Variants in ICA1L observed in about 807,000 individuals in gnomAD.
ICA1L encodes islet cell autoantigen 1-like protein.
ICA1L carries 50 observed loss-of-function variants against 61.3 expected under a neutral mutation model. The observed-to-expected ratio is 0.82, with a 90% CI of 0.65 to 1.03. The LOEUF is 1.03. ICA1L is among the 50% of genes least tolerant of loss of function. The pLI is 0.00. For synonymous variants in ICA1L, 161 were observed against 191.3 expected (o/e 0.84, Z 1.31); for missense variants, 508 against 556.7 (o/e 0.91, Z 0.88).
intron 12 of ICA1L, among the ~76,000 whole-genome samples, chr2:202,784,440 AAAC>A (rs1174307315): frequency 2.0e-5 from 3 of 152,208 alleles, no homozygotes; most frequent in African/African-American, 4.8e-5. Context: ...GTCTCCAAAA[AAAC>A]AACAACAAAA....
intron 1 of ICA1L, among the ~76,000 whole-genome samples, chr2:202,852,870 A>G (rs1196694259): frequency 1.3e-5 from 2 of 150,798 alleles, no homozygotes; most frequent in Non-Finnish European, 3.0e-5. Context: ...CATATGACCA[A>G]TGGAACAGAA....
At chr2:202,806,243 A>G (rs570279606) in intron 9 of ICA1L, among the ~76,000 whole-genome samples, 17 of 152,218 alleles carry the variant, frequency 1.1e-4, no homozygotes, top group African/African-American at 3.4e-4. Flanking sequence ...TTGTCTTGCA[A>G]CTTGGATACC....
At chr2:202,836,800 T>TATATATATAGATATATAGATATATAG (rs1462443281) in intron 1 of ICA1L, among the ~76,000 whole-genome samples, 1 of 145,788 alleles carries the variant, frequency 6.9e-6, no homozygotes, top group Non-Finnish European at 1.5e-5. Context: ...TATATCTATA[T>TATATATATAGATATATAGATATATAG]ATATAGATAT....
intron 9 of ICA1L, among the ~76,000 whole-genome samples, chr2:202,800,107 TC>T (rs977149915): frequency 2.6e-5 from 4 of 152,048 alleles, no homozygotes; most frequent in African/African-American, 7.2e-5. Flanking sequence ...GGTCTCCATC[TC>T]CTGACTTGGT....
At chr2:202,818,216 G>A (rs1442968166) in intron 5 of ICA1L, among the ~76,000 whole-genome samples, 1 of 152,304 alleles carries the variant, frequency 6.6e-6, no homozygotes, top group African/African-American at 2.4e-5. Context: ...AGAAATGAGT[G>A]AAGGATGACA....
rs1389287116 is a variant in ICA1L at position 202,777,486 on chromosome 2, T to C, written c.*2047A>G. 3.3e-5 allele frequency: 5 copies of C among 152,228 alleles called. No homozygotes were observed. The highest frequency in any genetic ancestry group is 7.3e-5 in the Non-Finnish European group (5 of 68,046). The allele number at this position is 152,228 out of a possible 1,614,324, so 9.4% of individuals were successfully genotyped here. A position where few individuals can be genotyped will look rare whatever the true frequency, so the allele number is the denominator to read the frequency against. On this transcript the variant is annotated 3_prime_UTR_variant, in exon 13 of 13. Transcript: ENST00000358299. ...GCAGAACAGTGACAGTATTACATTC[T>C]GGGAAATTTCACTGAGTATAAAGGA...
At chr2:202,862,293 A>C (rs1304852197) in intron 1 of ICA1L, among the ~76,000 whole-genome samples, 12 of 133,696 alleles carry the variant, frequency 9.0e-5, no homozygotes, top group Admixed American at 2.3e-4. Flanking sequence ...AAAAAAAAAA[A>C]AAAAAAAAAA....
chr2:202,837,884 AC>A (rs1376951985), intron 1 of ICA1L, among the ~76,000 whole-genome samples: 2 of 151,200 alleles, frequency 1.3e-5, no homozygotes, highest in Non-Finnish European at 2.9e-5. Flanking sequence ...ATGGAGTTTC[AC>A]TCTTGTTGCT....
rs1329016679 is a variant in ICA1L, at chr2:202,848,493, A to ATGGCCTGC, written c.-7-19485_-7-19478dup. On this transcript the variant is annotated intron_variant, in intron 1 of 12. Coordinates refer to ENST00000358299, the MANE Select transcript of ICA1L (RefSeq NM_001288622.3). ...AGAGATCTGAGCTGACTGGCAAACT[A>ATGGCCTGC]TGGCCTGCTGGCAAATTAGTCTTTA... Among the ~76,000 whole-genome samples the ATGGCCTGC allele has an allele frequency of 1.5e-4, 23 of 152,302 alleles. 1 individual carries two copies. The highest frequency in any genetic ancestry group is 5.5e-4 in the African/African-American group (23 of 41,572).
In ICA1L at chr2:202,862,272, C is replaced by CCAAAAAAAAAAAAAAAAAAAAAA. The variant is rs1462555700; in HGVS notation, c.-8+9346_-8+9347insTTTTTTTTTTTTTTTTTTTTTTG. Among the ~76,000 whole-genome samples the CCAAAAAAAAAAAAAAAAAAAAAA allele has an allele frequency of 4.8e-5, 3 of 62,978 alleles. 1 individual carries two copies. The highest frequency in any genetic ancestry group is 6.6e-4 in the East Asian group (1 of 1,518). 41.3% of individuals were successfully genotyped at this position (62,978 alleles called of 152,430 possible). ...GCAACACAGTAAGACCTCATTTCTA[C>CCAAAAAAAAAAAAAAAAAAAAAA]AAAAAAAAAAAAAAAAAAAAAAAAA... On this transcript the variant is annotated intron_variant, in intron 1 of 12. Coordinates refer to ENST00000358299, the MANE Select transcript of ICA1L (RefSeq NM_001288622.3).
chr2:202,855,707 T>A (rs534614234), intron 1 of ICA1L, among the ~76,000 whole-genome samples: 1 of 152,144 alleles, frequency 6.6e-6, no homozygotes, highest in African/African-American at 2.4e-5. Context: ...TAGGACCAGA[T>A]GGATTCAGAG....
intron 1 of ICA1L, among the ~76,000 whole-genome samples, chr2:202,846,994 A>T (rs530736912): frequency 7.7e-4 from 118 of 152,342 alleles, no homozygotes; most frequent in Non-Finnish European, 1.2e-3. Context: ...GGGTACCATG[A>T]GTGAAATTTC....
Position 202,779,380 on chromosome 2 carries a change from T to C in ICA1L, c.*153A>G. On this transcript the variant is annotated 3_prime_UTR_variant, in exon 13 of 13. Transcript: ENST00000358299. ...TGAAAGATGTGTACTTATTCAAATG[T>C]GGTCTTTACCATCTGTCTAAAGTTG... The C allele has an allele frequency of 2.0e-6, 1 of 502,980 alleles. No individual in the cohort carries two copies. The allele number at this position is 502,980 out of a possible 1,614,324, so 31.2% of individuals were successfully genotyped here.
rs1299966878 is a variant in ICA1L, at chr2:202,862,289, A to C, written c.-8+9330T>G. ...CATTTCTACAAAAAAAAAAAAAAAA[A>C]AAAAAAAAAAAAAAAAGGCCAGAAG... On this transcript the variant is annotated intron_variant, in intron 1 of 12. Coordinates refer to ENST00000358299, the MANE Select transcript of ICA1L (RefSeq NM_001288622.3). 9.8e-4 allele frequency among the ~76,000 whole-genome samples: 119 copies of C among 121,438 alleles called. 2 individuals carry two copies. The highest frequency in any genetic ancestry group is 2.6e-3 in the African/African-American group (98 of 37,364). The allele number at this position is 121,438 out of a possible 152,430, so 79.7% of individuals were successfully genotyped here.
At chr2:202,850,558 C>T (rs769200604) in intron 1 of ICA1L, among the ~76,000 whole-genome samples, 37 of 151,942 alleles carry the variant, frequency 2.4e-4, no homozygotes, top group Non-Finnish European at 4.9e-4. Flanking sequence ...GATCAACTTA[C>T]TGAAATAAGG....
At chr2:202,796,780 G>A in intron 10 of ICA1L, 110 bp downstream of exon 10, 3 of 589,134 alleles carry the variant, frequency 5.1e-6, no homozygotes, top group Non-Finnish European at 8.6e-6. Context: ...GCACATAGTT[G>A]CATTCTTATG....
chr2:202,829,405 T>C (rs1256929551), intron 1 of ICA1L, among the ~76,000 whole-genome samples: 1 of 152,188 alleles, frequency 6.6e-6, no homozygotes, highest in Admixed American at 6.5e-5. Context: ...TCAATAAATA[T>C]GTTTAGCTAG....
In ICA1L at chr2:202,779,241, A is replaced by AT. The variant is rs1202499912; in HGVS notation, c.*291dup. ...ATTGACAGAATTATTCCTAGCCGTT[A>AT]TTTTGACATAAATTTCAGTATCTAA... On this transcript the variant is annotated 3_prime_UTR_variant, in exon 13 of 13. Transcript: ENST00000358299. 3.5e-6 allele frequency: 1 copy of AT among 286,786 alleles called. No individual in the cohort carries two copies. Among genetic ancestry groups the AT allele is most frequent in the Non-Finnish European group, 6.4e-6 (1 of 156,264 alleles). 17.8% of individuals were successfully genotyped at this position (286,786 alleles called of 1,614,324 possible).
At chr2:202,857,105 T>C (rs935474726) in intron 1 of ICA1L, among the ~76,000 whole-genome samples, 1 of 152,170 alleles carries the variant, frequency 6.6e-6, no homozygotes, top group Non-Finnish European at 1.5e-5. Flanking sequence ...TACCATTGAC[T>C]TTCTTCACAG....
Sources: allele counts gnomAD v4.1 joint callset (sites outside exome capture counted in the v4.1 genomes callset), GRCh38; gene constraint gnomAD v4.1.1; transcripts MANE v1.5; gene names NCBI Gene and HGNC (gene_info 2026-07-23, HGNC 2026-07-21).